The following THSD7B variants were observed in gnomAD, a reference collection of about 807,000 sequenced individuals.
THSD7B encodes the protein thrombospondin type 1 domain containing 7B, also known as thrombospondin type-1 domain-containing protein 7B.
In THSD7B, 138 loss-of-function variants were observed where a neutral mutation model predicts 213.6. The observed-to-expected ratio is 0.65, with a 90% CI of 0.56 to 0.74. The LOEUF (loss-of-function observed/expected upper bound fraction) is 0.74, where lower values mean the gene tolerates loss of function less well. Among genes scored for constraint, THSD7B ranks in the 30% least tolerant of loss-of-function variants. The probability of loss-of-function intolerance (pLI) is 0.00; values close to 1 mark genes in which losing one functional copy is unlikely to be tolerated. For synonymous variants in THSD7B, 742 were observed against 687.0 expected, an observed-to-expected ratio of 1.08 and a Z score of -1.25; for missense variants, 1,931 against 1,991.5, an observed-to-expected ratio of 0.97 and a Z score of 0.58.
At chr2:137,007,952 A>G (rs916754215) in intron 2 of THSD7B, among the ~76,000 whole-genome samples, 1 of 152,180 alleles carries the variant, frequency 6.6e-6, no homozygotes, top group African/African-American at 2.4e-5. Flanking sequence ...ACCTTTATGA[A>G]CATGATTGAT....
At chr2:137,072,782 A>G (rs1254552724) in intron 3 of THSD7B, among the ~76,000 whole-genome samples, 7 of 152,184 alleles carry the variant, frequency 4.6e-5, no homozygotes, top group Non-Finnish European at 8.8e-5. Flanking sequence ...TGCCCCATCA[A>G]TACCTAATTT....
chr2:136,926,267 G>A (rs1684521208), intron 2 of THSD7B, among the ~76,000 whole-genome samples: 2 of 151,920 alleles, frequency 1.3e-5, no homozygotes, highest in South Asian at 2.1e-4. Context: ...ATTAACTGAA[G>A]TAGTTCTACT....
At chr2:137,616,669 T>C (rs949493500) in intron 18 of THSD7B, among the ~76,000 whole-genome samples, 1 of 152,238 alleles carries the variant, frequency 6.6e-6, no homozygotes, top group Non-Finnish European at 1.5e-5. Context: ...GTGATAGAAT[T>C]TGGCTCTTTT....
chr2:137,479,751 G>C (rs1455150346), intron 15 of THSD7B, among the ~76,000 whole-genome samples: 1 of 152,192 alleles, frequency 6.6e-6, no homozygotes, highest in Non-Finnish European at 1.5e-5. Flanking sequence ...GAGATATAAA[G>C]ATGCAGGGGC....
intron 17 of THSD7B, among the ~76,000 whole-genome samples, chr2:137,603,559 C>A (rs1411988493): frequency 6.6e-6 from 1 of 152,118 alleles, no homozygotes; most frequent in East Asian, 1.9e-4. Flanking sequence ...AATGGTTCTT[C>A]TTGCTATTGA....
intron 15 of THSD7B, among the ~76,000 whole-genome samples, chr2:137,477,870 A>G (rs1322075173): frequency 6.6e-6 from 1 of 151,774 alleles, no homozygotes; most frequent in Admixed American, 6.6e-5. Context: ...TTCTTGACTG[A>G]TAGTTTTTTT....
In THSD7B at chr2:137,488,031, G is replaced by A. The variant is rs528198792; in HGVS notation, c.3138+37008G>A. On this transcript the variant is annotated intron_variant, in intron 15 of 27. Coordinates refer to ENST00000409968, the MANE Select transcript of THSD7B (RefSeq NM_001316349.2). ...GCCCGCCTCGGCCTCCCAAAGTGCT[G>A]GGATTACAGGCGTGAGCCACCGCGC... 3.2e-4 allele frequency among the ~76,000 whole-genome samples: 4 copies of A among 12,328 alleles called. 2 individuals are homozygous for A. The East Asian group carries it at 0.014, about 43-fold the overall frequency. The allele number at this position is 12,328 out of a possible 152,430, so 8.1% of individuals were successfully genotyped here.
intron 1 of THSD7B, among the ~76,000 whole-genome samples, chr2:136,826,443 G>A (rs184544458): frequency 6.6e-5 from 10 of 152,310 alleles, no homozygotes; most frequent in Non-Finnish European, 1.2e-4. Context: ...TTTGTTGATT[G>A]TTGTTACAGA....
At chr2:137,531,384 C>T (rs933946716) in intron 15 of THSD7B, among the ~76,000 whole-genome samples, 3 of 151,850 alleles carry the variant, frequency 2.0e-5, no homozygotes, top group Non-Finnish European at 2.9e-5. Context: ...GGATATGATT[C>T]GAGTCCACAA....
chr2:137,236,636 GATACAGCAATAAATA>G (rs1228579470), intron 9 of THSD7B, among the ~76,000 whole-genome samples: 2 of 152,182 alleles, frequency 1.3e-5, no homozygotes, highest in African/African-American at 2.4e-5. Context: ...CATTTTGTGA[GATACAGCAATAAATA>G]GCTCCATTTA....
intron 2 of THSD7B, among the ~76,000 whole-genome samples, chr2:136,943,027 C>G (rs919259827): frequency 5.9e-5 from 9 of 152,138 alleles, no homozygotes; most frequent in Non-Finnish European, 1.2e-4. Context: ...TATGTCCCAT[C>G]AATACCTAGC....
intron 2 of THSD7B, among the ~76,000 whole-genome samples, chr2:137,009,430 A>G (rs1275140825): frequency 6.6e-6 from 1 of 152,176 alleles, no homozygotes; most frequent in Non-Finnish European, 1.5e-5. Context: ...TCTACCCAAT[A>G]GAAGTCAGAA....
intron 20 of THSD7B, among the ~76,000 whole-genome samples, chr2:137,639,191 C>CGGGACTT (rs1174260107): frequency 6.6e-6 from 1 of 151,874 alleles, no homozygotes; most frequent in Non-Finnish European, 1.5e-5. Flanking sequence ...TTGTGGGCCT[C>CGGGACTT]GGGACTTGGT....
intron 17 of THSD7B, among the ~76,000 whole-genome samples, chr2:137,610,503 T>C (rs1333372743): frequency 1.3e-5 from 2 of 152,160 alleles, no homozygotes; most frequent in Non-Finnish European, 2.9e-5. Flanking sequence ...ATGGCCAATA[T>C]TGATATGTGT....
At chr2:136,939,309 C>T (rs997061560) in intron 2 of THSD7B, among the ~76,000 whole-genome samples, 4 of 152,150 alleles carry the variant, frequency 2.6e-5, no homozygotes, top group East Asian at 1.9e-4. Flanking sequence ...TTATTCTCTG[C>T]TCTCTTGATG....
At chr2:137,234,458 G>A (rs1681719622) in intron 9 of THSD7B, among the ~76,000 whole-genome samples, 1 of 152,268 alleles carries the variant, frequency 6.6e-6, no homozygotes, top group East Asian at 1.9e-4. Flanking sequence ...ATAGAGTGCA[G>A]ACTGGCAGAC....
At chr2:137,379,003 A>G (rs1685719420) in intron 12 of THSD7B, among the ~76,000 whole-genome samples, 1 of 152,202 alleles carries the variant, frequency 6.6e-6, no homozygotes, top group African/African-American at 2.4e-5. Flanking sequence ...TATAAGTGAT[A>G]TGTTGAAGCC....
intron 20 of THSD7B, among the ~76,000 whole-genome samples, chr2:137,635,947 C>T (rs1682825082): frequency 6.6e-6 from 1 of 152,124 alleles, no homozygotes; most frequent in Non-Finnish European, 1.5e-5. Flanking sequence ...AAGTGATCTG[C>T]CCGTCTTGCA....
intron 1 of THSD7B, among the ~76,000 whole-genome samples, chr2:136,829,130 G>A (rs1347903442): frequency 6.6e-6 from 1 of 150,532 alleles, no homozygotes; most frequent in Non-Finnish European, 1.5e-5. Context: ...GGTAAGTTCT[G>A]TAAGGACAGA....
Sources: allele counts gnomAD v4.1 joint callset (sites outside exome capture counted in the v4.1 genomes callset), GRCh38; gene constraint gnomAD v4.1.1; transcripts MANE v1.5; gene names NCBI Gene and HGNC (gene_info 2026-07-23, HGNC 2026-07-21).